PAX5: variants seen among roughly 807,000 people sequenced by gnomAD.
PAX5 encodes paired box 5.
A neutral mutation model predicts 43.7 loss-of-function variants in PAX5; 9 were observed. The observed-to-expected ratio is 0.21, with a 90% CI of 0.12 to 0.36. The LOEUF is 0.36. Among genes scored for constraint, PAX5 ranks in the 10% least tolerant of loss-of-function variants. The pLI is 1.00. For synonymous variants in PAX5, 228 were observed against 214.3 expected, an observed-to-expected ratio of 1.06 and a Z score of -0.56; for missense variants, 383 against 532.7, an observed-to-expected ratio of 0.72 and a Z score of 2.77.
chr9:36,960,587 C>T (rs1338316578), intron 6 of PAX5, among the ~76,000 whole-genome samples: 1 of 152,206 alleles, frequency 6.6e-6, no homozygotes, highest in Non-Finnish European at 1.5e-5. Flanking sequence ...GTCGCAGGAA[C>T]AGGACGAGAG....
At chr9:36,934,654 G>A (rs896009915) in intron 6 of PAX5, among the ~76,000 whole-genome samples, 1 of 152,196 alleles carries the variant, frequency 6.6e-6, no homozygotes, top group African/African-American at 2.4e-5. Flanking sequence ...AAAGGATGTT[G>A]AAGGGCCTTC....
At chr9:36,877,810 C>T (rs528050792) in intron 8 of PAX5, among the ~76,000 whole-genome samples, 2 of 152,124 alleles carry the variant, frequency 1.3e-5, no homozygotes, top group South Asian at 2.1e-4. Context: ...TGTGACTCCC[C>T]GTGAAAGGAA....
At chr9:36,866,406 G>A (rs1563910234) in intron 8 of PAX5, among the ~76,000 whole-genome samples, 6 of 152,286 alleles carry the variant, frequency 3.9e-5, no homozygotes, top group Admixed American at 1.3e-4. Flanking sequence ...GACCAACCTC[G>A]GCCAGACCTG....
rs149386141 is a variant in PAX5, at chr9:36,961,883, C to T, written c.780+4666G>A. On this transcript the variant is annotated intron_variant, in intron 6 of 9. Coordinates refer to ENST00000358127, the MANE Select transcript of PAX5 (RefSeq NM_016734.3). The stretch of plus-strand genomic sequence containing the variant: ...GCTTTCTTTTCTTTTCTTCCTCCAA[C>T]GTGATTTTTACTCACTCCATATGTA... 5.9e-5 allele frequency among the ~76,000 whole-genome samples: 9 copies of T among 152,294 alleles called. No homozygotes were observed. In the East Asian group the frequency reaches 1.7e-3, roughly 29 times the overall value.
At chr9:36,885,514 A>G (rs1474915490) in intron 7 of PAX5, among the ~76,000 whole-genome samples, 1 of 152,166 alleles carries the variant, frequency 6.6e-6, no homozygotes, top group Non-Finnish European at 1.5e-5. Flanking sequence ...TAGCCCTATT[A>G]GAGAGCTACT....
intron 8 of PAX5, among the ~76,000 whole-genome samples, chr9:36,875,108 C>A (rs1825802985): frequency 1.3e-5 from 2 of 152,306 alleles, no homozygotes; most frequent in East Asian, 3.9e-4. Flanking sequence ...CTTAACCACC[C>A]AGCCTCCCAC....
chr9:36,981,193 C>CA (rs1046388595), intron 5 of PAX5, among the ~76,000 whole-genome samples: 12 of 149,946 alleles, frequency 8.0e-5, no homozygotes, highest in Admixed American at 2.0e-4. Flanking sequence ...AAGCCCCCCC[C>CA]CCCTCAGCCC....
At chr9:37,014,933 A>G in intron 3 of PAX5, 64 bp downstream of exon 3, 13 of 1,455,198 alleles carry the variant, frequency 8.9e-6, no homozygotes, top group Non-Finnish European at 1.2e-5. Flanking sequence ...AGGCACATGC[A>G]GAGCCTCCAG....
At chr9:36,881,823 C>T (rs1011606273) in intron 8 of PAX5, among the ~76,000 whole-genome samples, 181 bp downstream of exon 8, 4 of 152,098 alleles carry the variant, frequency 2.6e-5, no homozygotes, top group African/African-American at 7.2e-5. Context: ...TCCCTGGTGC[C>T]GCTGCTGGCT....
At chr9:36,996,803 A>G (rs2132357011) in intron 5 of PAX5, among the ~76,000 whole-genome samples, 1 of 152,284 alleles carries the variant, frequency 6.6e-6, no homozygotes, top group South Asian at 2.1e-4. Flanking sequence ...TGAAAGAGAC[A>G]GGGGAAGAGG....
rs545360977 is a variant in PAX5, at chr9:36,975,391, T to C, written c.605-8667A>G. Among the ~76,000 whole-genome samples, 17 of 151,812 alleles carry C rather than the reference T, an allele frequency of 1.1e-4. No homozygotes were observed. The South Asian group carries it at 3.5e-3, about 32-fold the overall frequency. ...CCATGATATTTGAGCAATTTCTTTTTTTTTTGTTTTTTGAGACGGAGTCTT... is the reference window on the plus strand; with the variant it reads ...CCATGATATTTGAGCAATTTCTTTTCTTTTTGTTTTTTGAGACGGAGTCTT... On this transcript the variant is annotated intron_variant, in intron 5 of 9. Transcript: ENST00000358127.
chr9:36,877,590 T>C lies in PAX5; in HGVS notation c.1012+4414A>G, dbSNP rs183724302. Among the ~76,000 whole-genome samples the C allele has an allele frequency of 2.0e-5, 3 of 152,296 alleles. No individual in the cohort carries two copies. The East Asian group carries it at 5.8e-4, about 29-fold the overall frequency. ...CTTGCTTCACTTGTTTCTCCAAACA[T>C]GCCAACAGGCCCTCGGGGTCAATGC... On this transcript the variant is annotated intron_variant, in intron 8 of 9. Coordinates refer to ENST00000358127, the MANE Select transcript of PAX5 (RefSeq NM_016734.3).
intron 1 of PAX5, among the ~76,000 whole-genome samples, chr9:37,025,516 C>CCCGAG (rs1464002486): frequency 7.2e-5 from 11 of 152,212 alleles, no homozygotes; most frequent in Admixed American, 2.0e-4. Context: ...CCGAGCGGCA[C>CCCGAG]CCGAGCCGAG....
At chr9:36,989,440 G>C (rs1183328276) in intron 5 of PAX5, among the ~76,000 whole-genome samples, 1 of 152,144 alleles carries the variant, frequency 6.6e-6, no homozygotes, top group Non-Finnish European at 1.5e-5. Context: ...GATAATAAGA[G>C]TATCCACCTG....
intron 6 of PAX5, among the ~76,000 whole-genome samples, chr9:36,947,128 T>C (rs1832592306): frequency 6.6e-6 from 1 of 152,226 alleles, no homozygotes; most frequent in African/African-American, 2.4e-5. Context: ...TAAATAAATA[T>C]GCCTGTTCCT....
rs73438938 is a variant in PAX5, at chr9:36,989,966, A to G, written c.604+12682T>C. On this transcript the variant is annotated intron_variant, in intron 5 of 9. Transcript: ENST00000358127. ...GGAAAACAGGCGAGTGACAAATGTG[A>G]TATTTTGATGAACAGGCAGGTTCTG... 5.7e-3 allele frequency among the ~76,000 whole-genome samples: 874 copies of G among 152,282 alleles called. 11 individuals carry two copies. Among genetic ancestry groups the G allele is most frequent in the African/African-American group, 0.02 (836 of 41,556 alleles).
chr9:36,980,834 G>A (rs1233117738), intron 5 of PAX5, among the ~76,000 whole-genome samples: 3 of 152,084 alleles, frequency 2.0e-5, no homozygotes, highest in Non-Finnish European at 2.9e-5. Flanking sequence ...CACCTCTGAA[G>A]TTCCCTGTTG....
chr9:36,910,529 A>G (rs1272124116), intron 7 of PAX5, among the ~76,000 whole-genome samples: 1 of 152,116 alleles, frequency 6.6e-6, no homozygotes. Context: ...AAAAAACTCT[A>G]TGCAAATCAA....
Position 36,840,643 on chromosome 9 carries a change from G to T in PAX5, c.1100-7C>A. 1 of 1,544,344 alleles carries T rather than the reference G, an allele frequency of 6.5e-7. No homozygotes were observed. ...CTATAATAGTAGGGGGAGCCTGGAA[G>T]AGACGGGAGAGAGCACCGAGGTCAG... On this transcript the variant is annotated splice_polypyrimidine_tract_variant and splice_region_variant and intron_variant, in intron 9 of 9. Coordinates refer to ENST00000358127, the MANE Select transcript of PAX5 (RefSeq NM_016734.3).
Sources: allele counts gnomAD v4.1 joint callset (sites outside exome capture counted in the v4.1 genomes callset), GRCh38; gene constraint gnomAD v4.1.1; transcripts MANE v1.5; gene names NCBI Gene and HGNC (gene_info 2026-07-23, HGNC 2026-07-21).